Variants in HTR7 observed in about 807,000 individuals in gnomAD.
HTR7 encodes 5-hydroxytryptamine receptor 7, also known as 5-HT-7.
In HTR7, 16 loss-of-function variants were observed where a neutral mutation model predicts 34.0. The ratio of observed to expected loss-of-function variants is 0.47; its 90% CI spans 0.32 to 0.71. The LOEUF is 0.71. Among genes scored for constraint, HTR7 ranks in the 30% least tolerant of loss-of-function variants. The pLI is 0.04. For synonymous variants in HTR7, 265 were observed against 260.2 expected, an observed-to-expected ratio of 1.02 and a Z score of -0.18; for missense variants, 504 against 625.5, an observed-to-expected ratio of 0.81 and a Z score of 2.07.
chr10:90,781,624 C>G (rs112563381), intron 1 of HTR7, among the ~76,000 whole-genome samples: 223 of 152,310 alleles, frequency 1.5e-3, no homozygotes, highest in African/African-American at 5.0e-3. Flanking sequence ...AATAAAAAAT[C>G]TGATTTCAAA....
intron 1 of HTR7, among the ~76,000 whole-genome samples, chr10:90,784,733 A>G (rs1845356949): frequency 6.6e-6 from 1 of 152,216 alleles, no homozygotes; most frequent in Non-Finnish European, 1.5e-5. Flanking sequence ...TGTGGAGCCA[A>G]CACACTCTCT....
chr10:90,857,228 C>A lies in HTR7; in HGVS notation c.444G>T (p.Trp148Cys). The A allele has an allele frequency of 1.9e-6, 3 of 1,614,136 alleles. No homozygotes were observed. The highest frequency in any genetic ancestry group is 2.5e-6 in the Non-Finnish European group (3 of 1,180,014). ...VSVTDLIGGK[W>C]IFGHFFCNVF... ...CATTACAGAAAAAGTGTCCAAAGAT[C>A]CACTTGCCCCCGATGAGGTCGGTGA... is the stretch of plus-strand genomic sequence containing the variant. The change falls in exon 1 of 4, where the codon TGG becomes TGT. Residue 148 changes from tryptophan (W) to cysteine (C), a missense_variant. Trp to Cys is a radical substitution (Grantham distance 215). Around this residue, in one of 4 missense-constraint regions of HTR7, gnomAD observed 154 missense variants for 248.8 expected, o/e 0.62. Coordinates refer to ENST00000336152, the MANE Select transcript of HTR7 (RefSeq NM_019859.4). The surrounding 1 kb of genome is among the most constrained non-coding windows in gnomAD (Gnocchi z 6.5).
Position 90,745,046 on chromosome 10 carries a change from G to C in HTR7, c.1296-1356C>G, listed in dbSNP as rs1243067235. Among the ~76,000 whole-genome samples, 3 of 152,158 alleles carry C rather than the reference G, an allele frequency of 2.0e-5. No homozygotes were observed. In the East Asian group the frequency reaches 5.8e-4, roughly 29 times the overall value. ...AGGAAGTCTTCTCTGATTAGGGTTA[G>C]TGTAAGCTCTGAGTTATTTTCCTTT... On this transcript the variant is annotated intron_variant, in intron 2 of 3. Transcript: ENST00000336152.
chr10:90,763,417 TTTC>T (rs1844970115), intron 1 of HTR7, among the ~76,000 whole-genome samples: 1 of 142,058 alleles, frequency 7.0e-6, no homozygotes, highest in African/African-American at 2.7e-5. Context: ...AATTGTTTTA[TTTC>T]TTTTTTTATA....
intron 1 of HTR7, among the ~76,000 whole-genome samples, chr10:90,856,280 A>G (rs907270017): frequency 1.3e-5 from 2 of 152,226 alleles, no homozygotes; most frequent in Non-Finnish European, 2.9e-5. Context: ...GAGGATTGAG[A>G]CCATACTTCA....
At chr10:90,775,704 G>A (rs1031849802) in intron 1 of HTR7, among the ~76,000 whole-genome samples, 2 of 152,188 alleles carry the variant, frequency 1.3e-5, no homozygotes, top group South Asian at 2.1e-4. Flanking sequence ...AGACTCTATA[G>A]AGACAAAATT....
chr10:90,804,642 C>A (rs551786131), intron 1 of HTR7, among the ~76,000 whole-genome samples: 9 of 152,172 alleles, frequency 5.9e-5, no homozygotes, highest in Non-Finnish European at 1.2e-4. Flanking sequence ...GAAATATCAG[C>A]TGTTTATCCC....
intron 2 of HTR7, among the ~76,000 whole-genome samples, chr10:90,747,781 T>TC (rs1844663539): frequency 6.6e-6 from 1 of 152,162 alleles, no homozygotes; most frequent in Non-Finnish European, 1.5e-5. Flanking sequence ...GAACGACACC[T>TC]CCAACACTAA....
chr10:90,786,990 C>A (rs1419699906), intron 1 of HTR7, among the ~76,000 whole-genome samples: 1 of 151,980 alleles, frequency 6.6e-6, no homozygotes, highest in Non-Finnish European at 1.5e-5. Flanking sequence ...TAATAAGATA[C>A]CTCTTTAGAA....
chr10:90,746,478 C>CCACCCATCTTTCCCTTGT (rs956706329), intron 2 of HTR7, among the ~76,000 whole-genome samples: 3 of 152,126 alleles, frequency 2.0e-5, no homozygotes, highest in African/African-American at 7.2e-5. Context: ...GGATCCCCTG[C>CCACCCATCTTTCCCTTGT]CACCCATCTT....
chr10:90,824,013 A>T (rs1394501336), intron 1 of HTR7, among the ~76,000 whole-genome samples: 11 of 152,222 alleles, frequency 7.2e-5, no homozygotes, highest in Non-Finnish European at 1.5e-5. Flanking sequence ...ACTGAGTCTC[A>T]GGTAGTTCTT....
chr10:90,781,639 CT>C (rs1436006854), intron 1 of HTR7, among the ~76,000 whole-genome samples: 1 of 152,144 alleles, frequency 6.6e-6, no homozygotes. Flanking sequence ...TTCAAATGTC[CT>C]TATTTCAAAC....
In HTR7 at chr10:90,749,173, G is replaced by T; in HGVS notation, c.961C>A (p.Arg321=). 6.2e-7 allele frequency: 1 copy of T among 1,614,098 alleles called. No homozygotes were observed. Among genetic ancestry groups the T allele is most frequent in the Non-Finnish European group, 8.5e-7 (1 of 1,180,020 alleles). Residue 321 remains arginine (R), a synonymous_variant, in exon 2 of 4, where the codon CGA becomes AGA. Transcript: ENST00000336152. This position sits in a 1 kb window ranked among gnomAD's most constrained non-coding sequence, Gnocchi z 4.2. ...AGGGTGGTGGCTGCTTTCTGTTCTC[G>T]CTTAAAGATGGAGATGTTTTTCCTT... is the stretch of plus-strand genomic sequence containing the variant. ...HERKNISIFK[R]EQKAATTLGI...
chr10:90,825,171 T>C (rs543188180), intron 1 of HTR7, among the ~76,000 whole-genome samples: 3 of 152,280 alleles, frequency 2.0e-5, no homozygotes, highest in Admixed American at 1.3e-4. Flanking sequence ...AATATGACAG[T>C]CTCTGCCTGG....
At chr10:90,799,575 A>G (rs902373710) in intron 1 of HTR7, among the ~76,000 whole-genome samples, 1 of 152,138 alleles carries the variant, frequency 6.6e-6, no homozygotes, top group Non-Finnish European at 1.5e-5. Flanking sequence ...GACTCCCCGC[A>G]AATCATCTCC....
chr10:90,855,286 G>T (rs749795160), intron 1 of HTR7, among the ~76,000 whole-genome samples: 15 of 152,160 alleles, frequency 9.9e-5, no homozygotes, highest in Admixed American at 3.3e-4. Flanking sequence ...CATGCCTGCC[G>T]ATGCTAAGTC....
intron 1 of HTR7, among the ~76,000 whole-genome samples, chr10:90,813,489 C>A (rs907123580): frequency 2.0e-5 from 3 of 151,574 alleles, no homozygotes; most frequent in African/African-American, 7.3e-5. Context: ...GCCACTGCAC[C>A]CCAGCCTGGG....
intron 1 of HTR7, among the ~76,000 whole-genome samples, chr10:90,773,928 GTTC>G (rs1845162922): frequency 6.6e-6 from 1 of 152,016 alleles, no homozygotes; most frequent in Non-Finnish European, 1.5e-5. Context: ...GTGCAGAGGT[GTTC>G]TTCTTTTACA....
chr10:90,828,236 T>A (rs1318164547), intron 1 of HTR7, among the ~76,000 whole-genome samples: 2 of 152,156 alleles, frequency 1.3e-5, no homozygotes, highest in Non-Finnish European at 2.9e-5. Flanking sequence ...AAGTTTATAG[T>A]TATAAGTGCC....
Sources: allele counts gnomAD v4.1 joint callset (sites outside exome capture counted in the v4.1 genomes callset), GRCh38; gene constraint gnomAD v4.1.1; regional missense constraint gnomAD v4.1.1; non-coding constraint Gnocchi (gnomAD v3.1); transcripts MANE v1.5; gene names NCBI Gene and HGNC (gene_info 2026-07-23, HGNC 2026-07-21).